The following NFIB variants were observed in gnomAD, a reference collection of about 807,000 sequenced individuals.
NFIB encodes nuclear factor I B, also known as nuclear factor 1 B-type.
NFIB carries 11 observed loss-of-function variants against 61.5 expected under a neutral mutation model. The observed-to-expected ratio is 0.18, with a 90% CI of 0.11 to 0.30. NFIB has a LOEUF of 0.30. Among genes scored for constraint, NFIB ranks in the 10% least tolerant of loss-of-function variants. The pLI is 1.00. For synonymous variants in NFIB, 260 were observed against 216.5 expected (o/e 1.20, Z -1.76); for missense variants, 471 against 608.9 (o/e 0.77, Z 2.38).
chr9:14,370,222 G>A (rs913767093), intron 1 of NFIB, among the ~76,000 whole-genome samples: 6 of 152,156 alleles, frequency 3.9e-5, no homozygotes, highest in East Asian at 1.9e-4. Context: ...TACCCCCATC[G>A]GACTCAAGGA....
At chr9:14,421,219 T>A in the NFIB span, among the ~76,000 whole-genome samples, 2 of 152,172 alleles carry the variant, frequency 1.3e-5, no homozygotes, top group South Asian at 4.1e-4. Context: ...TTATGAAATA[T>A]TAAATGAGAT....
chr9:14,480,854 G>A, the NFIB span, among the ~76,000 whole-genome samples: 75 of 152,146 alleles, frequency 4.9e-4, no homozygotes, highest in African/African-American at 1.7e-3. Context: ...CCTGTAGTAT[G>A]AAGCCTTTCA....
Position 14,083,909 on chromosome 9 carries a change from A to G in NFIB, c.*4400T>C, listed in dbSNP as rs1409748618. ...AATGCTCTGTGAAACTTAACCTTAA[A>G]TACCATCACGTAACAATCACAAAAA... On this transcript the variant is annotated 3_prime_UTR_variant, in exon 11 of 11. Coordinates refer to ENST00000380953, the MANE Select transcript of NFIB (RefSeq NM_001190737.2). 1.8e-5 allele frequency: 4 copies of G among 223,752 alleles called. No homozygotes were observed. The highest frequency in any genetic ancestry group is 8.9e-5 in the African/African-American group (4 of 44,722). The allele number at this position is 223,752 out of a possible 1,614,324, so 13.9% of individuals were successfully genotyped here. A position where few individuals can be genotyped will look rare whatever the true frequency, so the allele number is the denominator to read the frequency against.
intron 8 of NFIB, among the ~76,000 whole-genome samples, chr9:14,118,442 A>C (rs2038450093): frequency 6.6e-6 from 1 of 152,134 alleles, no homozygotes; most frequent in South Asian, 2.1e-4. Flanking sequence ...AACATGAACT[A>C]GTAGACACTT....
At chr9:14,357,743 G>A (rs577427986) in intron 1 of NFIB, 6 of 152,158 alleles carry the variant, frequency 3.9e-5, no homozygotes, top group Admixed American at 2.0e-4. Context: ...CAATCCACAC[G>A]TCCATCAACC....
intron 2 of NFIB, among the ~76,000 whole-genome samples, chr9:14,286,806 G>A (rs573466780): frequency 6.6e-6 from 1 of 152,320 alleles, no homozygotes; most frequent in East Asian, 1.9e-4. Context: ...ACTGCAGACA[G>A]AATGGCTTTT....
At chr9:14,253,681 AT>A (rs1158937072) in intron 2 of NFIB, among the ~76,000 whole-genome samples, 1 of 152,166 alleles carries the variant, frequency 6.6e-6, no homozygotes, top group Admixed American at 6.5e-5. Flanking sequence ...TAATTTTTTA[AT>A]AAAAAAAAGA....
At chr9:14,485,914 C>A in the NFIB span, among the ~76,000 whole-genome samples, 1 of 151,830 alleles carries the variant, frequency 6.6e-6, no homozygotes, top group South Asian at 2.1e-4. Context: ...ACCCCCCCCA[C>A]AACACACACA....
the NFIB span, among the ~76,000 whole-genome samples, chr9:14,482,704 A>C: frequency 6.6e-6 from 1 of 152,356 alleles, no homozygotes; most frequent in Middle Eastern, 3.4e-3. Context: ...CTCCCAAATG[A>C]ACCACAACAG....
intron 2 of NFIB, among the ~76,000 whole-genome samples, chr9:14,201,209 TCA>T (rs1179803803): frequency 6.6e-6 from 1 of 152,158 alleles, no homozygotes; most frequent in Non-Finnish European, 1.5e-5. Context: ...CCACCAGGAA[TCA>T]CAACACTTCA....
intron 2 of NFIB, among the ~76,000 whole-genome samples, chr9:14,227,002 G>A (rs568425535): frequency 9.9e-5 from 15 of 151,902 alleles, no homozygotes; most frequent in African/African-American, 1.7e-4. Flanking sequence ...TTAGCCGGCC[G>A]TGGTGGTGCA....
chr9:14,275,881 G>T (rs1171118378), intron 2 of NFIB, among the ~76,000 whole-genome samples: 1 of 150,954 alleles, frequency 6.6e-6, no homozygotes, highest in African/African-American at 2.4e-5. Context: ...TATGCCAAAA[G>T]ACTAAAAGTT....
intron 10 of NFIB, among the ~76,000 whole-genome samples, chr9:14,103,954 A>G (rs1048733637): frequency 4.4e-4 from 67 of 151,858 alleles, no homozygotes; most frequent in African/African-American, 1.6e-3. Context: ...GTCTCACTTC[A>G]TCACCCAGGC....
the NFIB span, among the ~76,000 whole-genome samples, chr9:14,456,384 C>T: frequency 1.4e-4 from 21 of 151,978 alleles, no homozygotes; most frequent in Non-Finnish European, 2.8e-4. Context: ...CAAAAATCAC[C>T]ACAAACAGAG....
intron 10 of NFIB, among the ~76,000 whole-genome samples, chr9:14,108,101 A>T (rs191279098): frequency 6.6e-6 from 1 of 152,068 alleles, no homozygotes. Context: ...CTTCCTTTAA[A>T]TGTGTTTCCT....
intron 10 of NFIB, 132 bp downstream of exon 10, chr9:14,112,867 G>A: frequency 1.4e-6 from 1 of 711,884 alleles, no homozygotes; most frequent in Non-Finnish European, 2.3e-6. Context: ...AAAATTCTGG[G>A]AAATGAAATG....
chr9:14,143,486 A>G (rs1434944276), intron 6 of NFIB, among the ~76,000 whole-genome samples: 1 of 152,164 alleles, frequency 6.6e-6, no homozygotes. Context: ...TTAATAAATC[A>G]ATTTTGCTAA....
intron 2 of NFIB, among the ~76,000 whole-genome samples, chr9:14,263,449 C>T (rs908519487): frequency 6.6e-6 from 1 of 152,058 alleles, no homozygotes; most frequent in East Asian, 1.9e-4. Flanking sequence ...TTTCCATACC[C>T]GTATTTACCT....
intron 1 of NFIB, among the ~76,000 whole-genome samples, chr9:14,341,083 G>A (rs2060943908): frequency 6.6e-6 from 1 of 152,222 alleles, no homozygotes; most frequent in Non-Finnish European, 1.5e-5. Flanking sequence ...ACAGTCTCCA[G>A]CTTCTTCCTG....
Sources: allele counts gnomAD v4.1 joint callset (sites outside exome capture counted in the v4.1 genomes callset), GRCh38; gene constraint gnomAD v4.1.1; transcripts MANE v1.5; gene names NCBI Gene and HGNC (gene_info 2026-07-23, HGNC 2026-07-21).